The following STK3 variants were observed in gnomAD, a reference collection of about 807,000 sequenced individuals.
The protein encoded by STK3 is serine/threonine-protein kinase 3.
STK3 carries 41 observed loss-of-function variants against 58.0 expected under a neutral mutation model. The ratio of observed to expected loss-of-function variants is 0.71; its 90% CI spans 0.55 to 0.92. The LOEUF is 0.92. Among genes scored for constraint, STK3 ranks in the 40% least tolerant of loss-of-function variants. STK3 has a pLI of 0.00. For synonymous variants in STK3, 170 were observed against 191.0 expected, an observed-to-expected ratio of 0.89 and a Z score of 0.91; for missense variants, 479 against 602.7, an observed-to-expected ratio of 0.79 and a Z score of 2.15.
chr8:98,858,357 GAGAC>G (rs1203843649), intron 3 of STK3, among the ~76,000 whole-genome samples: 55 of 136,854 alleles, frequency 4.0e-4, no homozygotes, highest in Admixed American at 9.9e-4. Context: ...GAGAGAGAGA[GAGAC>G]AGAGAGAGAG....
chr8:98,805,301 C>T (rs1028791263), intron 1 of STK3, among the ~76,000 whole-genome samples: 3 of 152,128 alleles, frequency 2.0e-5, no homozygotes, highest in African/African-American at 7.2e-5. Flanking sequence ...TAATATAGGC[C>T]GGGCGCGGTG....
chr8:98,911,129 T>C (rs945933475), intron 1 of STK3, among the ~76,000 whole-genome samples: 2 of 152,240 alleles, frequency 1.3e-5, no homozygotes, highest in African/African-American at 2.4e-5. Flanking sequence ...TCATTTTTTG[T>C]AGTTTGTTGC....
At chr8:98,404,142 G>A (rs149161085) in intron 3 of STK3, among the ~76,000 whole-genome samples, 52 of 152,268 alleles carry the variant, frequency 3.4e-4, no homozygotes, top group African/African-American at 1.2e-3. Flanking sequence ...AGCGAATCTA[G>A]TTTCCTCAAA....
intron 6 of STK3, among the ~76,000 whole-genome samples, chr8:98,613,471 G>T (rs1311858814): frequency 6.6e-6 from 1 of 151,988 alleles, no homozygotes; most frequent in Non-Finnish European, 1.5e-5. Context: ...GAAAATAACT[G>T]AAACAATGTA....
At chr8:98,712,887 A>C (rs1188464432) in intron 4 of STK3, among the ~76,000 whole-genome samples, 2 of 152,134 alleles carry the variant, frequency 1.3e-5, no homozygotes, top group African/African-American at 4.8e-5. Flanking sequence ...GTTGGAAGTA[A>C]AGCACTCCTC....
At chr8:98,891,398 C>A (rs1397057002) in intron 1 of STK3, among the ~76,000 whole-genome samples, 2 of 152,176 alleles carry the variant, frequency 1.3e-5, no homozygotes, top group Non-Finnish European at 2.9e-5. Context: ...ATTAACCATC[C>A]TTTGTTACAT....
chr8:98,573,011 G>GT lies in STK3; in HGVS notation c.948+6652dup, dbSNP rs1228628718. On this transcript the variant is annotated intron_variant, in intron 8 of 10. Coordinates refer to ENST00000419617, the MANE Select transcript of STK3 (RefSeq NM_006281.4). ...TCACCTTGAATATGGACAGGACCAA[G>GT]TAACATATACCTAAAACGACTTGGT... Among the ~76,000 whole-genome samples, 10 of 151,880 alleles carry GT rather than the reference G, an allele frequency of 6.6e-5. No individual in the cohort carries two copies. In the East Asian group the frequency reaches 1.8e-3, roughly 27 times the overall value.
intron 3 of STK3, among the ~76,000 whole-genome samples, chr8:98,421,653 A>G (rs1441372728): frequency 6.6e-6 from 1 of 151,992 alleles, no homozygotes; most frequent in Non-Finnish European, 1.5e-5. Context: ...TCAGGTGCCT[A>G]TAGTCCCAGC....
chr8:98,589,698 T>C lies in STK3; in HGVS notation c.822+6334A>G, dbSNP rs181194988. On this transcript the variant is annotated intron_variant, in intron 7 of 10. Coordinates refer to ENST00000419617, the MANE Select transcript of STK3 (RefSeq NM_006281.4). ...AATGGCGGGCGCCCCTCCCCCAGCC[T>C]AGCTGCTGCCTTGCAGTTTGATCTC... 3.5e-3 allele frequency among the ~76,000 whole-genome samples: 526 copies of C among 152,330 alleles called. 3 individuals carry two copies. The highest frequency in any genetic ancestry group is 0.011 in the African/African-American group (474 of 41,584).
intron 9 of STK3, among the ~76,000 whole-genome samples, chr8:98,533,001 A>G (rs965200828): frequency 6.6e-6 from 1 of 152,040 alleles, no homozygotes; most frequent in Non-Finnish European, 1.5e-5. Flanking sequence ...AATGACCTCA[A>G]GGTTCATTCA....
intron 3 of STK3, among the ~76,000 whole-genome samples, chr8:98,837,614 G>A (rs1222788369): frequency 6.6e-6 from 1 of 152,140 alleles, no homozygotes; most frequent in Non-Finnish European, 1.5e-5. Flanking sequence ...CTTTCATAGT[G>A]AGTCTTTAGT....
At chr8:98,498,843 C>T (rs1823358038) in intron 10 of STK3, among the ~76,000 whole-genome samples, 1 of 152,148 alleles carries the variant, frequency 6.6e-6, no homozygotes, top group African/African-American at 2.4e-5. Context: ...TGTTAGAGTG[C>T]CCTGGGGATC....
intron 6 of STK3, among the ~76,000 whole-genome samples, chr8:98,643,606 C>T (rs1820186116): frequency 6.6e-6 from 1 of 152,188 alleles, no homozygotes; most frequent in South Asian, 2.1e-4. Context: ...TTATGTCTAA[C>T]CCAACCAGAA....
chr8:98,660,778 C>T (rs1446916863), intron 6 of STK3, among the ~76,000 whole-genome samples: 1 of 152,054 alleles, frequency 6.6e-6, no homozygotes, highest in Non-Finnish European at 1.5e-5. Flanking sequence ...CAGTATTTGT[C>T]AGTCAAGATA....
intron 7 of STK3, among the ~76,000 whole-genome samples, chr8:98,580,937 T>C (rs1006484679): frequency 2.0e-5 from 3 of 152,220 alleles, no homozygotes; most frequent in Non-Finnish European, 4.4e-5. Flanking sequence ...ACAGAAATAC[T>C]AAAATCAATT....
chr8:98,775,832 C>G (rs1831639550), intron 1 of STK3, among the ~76,000 whole-genome samples: 1 of 152,122 alleles, frequency 6.6e-6, no homozygotes, highest in Non-Finnish European at 1.5e-5. Flanking sequence ...AAGAGTAAAT[C>G]TGTCAGCACG....
intron 6 of STK3, chr8:98,633,440 C>T (rs1302182218): frequency 3.9e-6 from 2 of 507,774 alleles, no homozygotes; most frequent in East Asian, 3.3e-5. Context: ...GAGATTGAGA[C>T]TGCAGATTAT....
In STK3 at chr8:98,817,593, T is replaced by C. The variant is rs16897110; in HGVS notation, c.26+7922A>G. Among the ~76,000 whole-genome samples, 953 of 152,262 alleles carry C rather than the reference T, an allele frequency of 6.3e-3. 26 individuals carry two copies. The East Asian group carries it at 0.075, about 12-fold the overall frequency. On this transcript the variant is annotated intron_variant, in intron 1 of 10. Transcript: ENST00000419617. Reference sequence around the variant, plus strand: ...TTATGAAATTCCAAGAAAGAGACTATAGATATCCAAACCTGTTCTCCCGGT... The same window carrying C: ...TTATGAAATTCCAAGAAAGAGACTACAGATATCCAAACCTGTTCTCCCGGT...
intron 4 of STK3, among the ~76,000 whole-genome samples, chr8:98,738,276 C>T (rs925382432): frequency 6.6e-6 from 1 of 151,920 alleles, no homozygotes. Context: ...AGTTCCAGAC[C>T]AGCCTGGCCA....
Sources: allele counts gnomAD v4.1 joint callset (sites outside exome capture counted in the v4.1 genomes callset), GRCh38; gene constraint gnomAD v4.1.1; transcripts MANE v1.5; gene names NCBI Gene and HGNC (gene_info 2026-07-23, HGNC 2026-07-21).